The following SOD2 variants were observed in gnomAD, a reference collection of about 807,000 sequenced individuals.
SOD2 encodes superoxide dismutase [Mn], mitochondrial.
SOD2 carries 11 observed loss-of-function variants against 27.0 expected under a neutral mutation model. The ratio of observed to expected loss-of-function variants is 0.41; its 90% CI spans 0.26 to 0.67. SOD2 has a LOEUF of 0.67. SOD2 is among the 30% of genes least tolerant of loss of function. The probability of loss-of-function intolerance (pLI) is 0.34; values close to 1 mark genes in which losing one functional copy is unlikely to be tolerated. For synonymous variants in SOD2, 105 were observed against 103.0 expected (o/e 1.02, Z -0.12); for missense variants, 250 against 274.5 (o/e 0.91, Z 0.63).
intron 1 of SOD2, among the ~76,000 whole-genome samples, chr6:159,736,962 TG>T (rs1389471290): frequency 6.6e-6 from 1 of 152,212 alleles, no homozygotes; most frequent in Non-Finnish European, 1.5e-5. Flanking sequence ...AGTTTCCTAT[TG>T]TGGAGTCAGA....
At chr6:159,690,702 T>A (rs571457714) in intron 2 of SOD2, among the ~76,000 whole-genome samples, 73 of 152,304 alleles carry the variant, frequency 4.8e-4, no homozygotes, top group African/African-American at 1.7e-3. Context: ...TATTGTTTTT[T>A]AATAAATCAA....
chr6:159,713,643 A>G (rs1263020213), intron 1 of SOD2: 2 of 1,021,786 alleles, frequency 2.0e-6, no homozygotes, highest in Non-Finnish European at 3.0e-6. Context: ...GCCAAATGGA[A>G]GTCCTCTAAG....
At chr6:159,726,027 C>G (rs1778158868) in intron 1 of SOD2, 1 of 152,210 alleles carries the variant, frequency 6.6e-6, no homozygotes, top group Admixed American at 6.5e-5. Flanking sequence ...TGACAAATAG[C>G]ACTGCAATAA....
chr6:159,733,446 G>C (rs373246083), intron 1 of SOD2, among the ~76,000 whole-genome samples: 1 of 128,178 alleles, frequency 7.8e-6, no homozygotes, highest in South Asian at 2.9e-4. Flanking sequence ...GCGAAACCCT[G>C]TCTCTACCAA....
In SOD2 at chr6:159,674,899, T is replaced by G. The variant is rs1779742023; in HGVS notation, c.*7594A>C. 6.6e-6 allele frequency: 1 copy of G among 152,174 alleles called. No individual in the cohort carries two copies. The highest frequency in any genetic ancestry group is 2.4e-5 in the African/African-American group (1 of 41,424). 9.4% of individuals were successfully genotyped at this position (152,174 alleles called of 1,614,324 possible). On this transcript the variant is annotated 3_prime_UTR_variant, in exon 5 of 5. Coordinates refer to ENST00000538183, the MANE Select transcript of SOD2 (RefSeq NM_000636.4). Reference sequence around the variant, plus strand: ...AATTTGATAAGCAACTTCAGCAAAATCTCAGGATACAAAATCAATGTGCAA... The same window carrying G: ...AATTTGATAAGCAACTTCAGCAAAAGCTCAGGATACAAAATCAATGTGCAA...
intron 1 of SOD2, among the ~76,000 whole-genome samples, chr6:159,735,200 G>A (rs919261912): frequency 1.3e-5 from 2 of 152,154 alleles, no homozygotes; most frequent in African/African-American, 2.4e-5. Flanking sequence ...ATGCAGTGGC[G>A]CGCCATCTCG....
upstream of SOD2, chr6:159,730,762 G>C (rs570672718): frequency 3.3e-5 from 5 of 152,154 alleles, no homozygotes; most frequent in Non-Finnish European, 7.4e-5. Flanking sequence ...TCTGAGAGTT[G>C]ACTTAGGAAG....
At chr6:159,757,276 T>C (rs948365734) in intron 1 of SOD2, among the ~76,000 whole-genome samples, 8 of 152,246 alleles carry the variant, frequency 5.3e-5, no homozygotes, top group Non-Finnish European at 7.3e-5. Context: ...AGTGGAGTTA[T>C]AATACTCGAA....
In SOD2 at chr6:159,676,073, C is replaced by A. The variant is rs1211772545; in HGVS notation, c.*6420G>T. On this transcript the variant is annotated 3_prime_UTR_variant, in exon 5 of 5. Transcript: ENST00000538183. ...TACCATCTCACACCAGTTAGAATGT[C>A]AATCATTAAAAAGTCAGGAAACAAC... The A allele has an allele frequency of 3.3e-5, 5 of 152,056 alleles. No homozygotes were observed. Among genetic ancestry groups the A allele is most frequent in the African/African-American group, 1.2e-4 (5 of 41,392 alleles). 9.4% of individuals were successfully genotyped at this position (152,056 alleles called of 1,614,324 possible).
intron 1 of SOD2, among the ~76,000 whole-genome samples, chr6:159,744,508 A>G (rs1260260409): frequency 4.5e-5 from 6 of 134,104 alleles, no homozygotes; most frequent in African/African-American, 1.7e-4. Flanking sequence ...GGAGACACCA[A>G]AAATCTATGG....
At chr6:159,705,968 T>A (rs1164951166) in intron 1 of SOD2, among the ~76,000 whole-genome samples, 6 of 152,146 alleles carry the variant, frequency 3.9e-5, no homozygotes, top group Non-Finnish European at 7.3e-5. Flanking sequence ...ATATTCAACG[T>A]TTTTAAAGAA....
At chr6:159,742,119 T>C in intron 1 of SOD2, 1 of 1,609,040 alleles carries the variant, frequency 6.2e-7, no homozygotes, top group Non-Finnish European at 8.5e-7. Context: ...TGTACAAGCT[T>C]TGGAGGGCAA....
chr6:159,698,711 G>A (rs2114804739), intron 1 of SOD2, among the ~76,000 whole-genome samples: 1 of 150,230 alleles, frequency 6.7e-6, no homozygotes, highest in South Asian at 2.1e-4. Flanking sequence ...ATAACATAAA[G>A]TTTGTACATC....
chr6:159,689,837 A>G (rs1780365984), intron 2 of SOD2, among the ~76,000 whole-genome samples: 2 of 152,060 alleles, frequency 1.3e-5, no homozygotes, highest in South Asian at 2.1e-4. Flanking sequence ...GCGCGTGCCT[A>G]TAATCCCAGC....
chr6:159,730,211 G>A (rs934211723), upstream of SOD2, among the ~76,000 whole-genome samples: 1 of 152,130 alleles, frequency 6.6e-6, no homozygotes, highest in Non-Finnish European at 1.5e-5. Context: ...TGGAAAATGG[G>A]AACTAACTTT....
At chr6:159,737,718 C>T (rs1779006944) in intron 1 of SOD2, among the ~76,000 whole-genome samples, 1 of 152,016 alleles carries the variant, frequency 6.6e-6, no homozygotes, top group African/African-American at 2.4e-5. Flanking sequence ...TCTTGAACTC[C>T]CGAGTTCAAG....
intron 1 of SOD2, among the ~76,000 whole-genome samples, chr6:159,719,512 G>T (rs1415662552): frequency 6.6e-6 from 1 of 151,592 alleles, no homozygotes; most frequent in Non-Finnish European, 1.5e-5. Flanking sequence ...TGTGGTCGCA[G>T]CTACTGGAGA....
At chr6:159,759,170 C>T (rs1265258766) in intron 1 of SOD2, among the ~76,000 whole-genome samples, 1 of 151,108 alleles carries the variant, frequency 6.6e-6, no homozygotes, top group African/African-American at 2.4e-5. Context: ...AGCAATTCTC[C>T]TGCCTCAGCC....
chr6:159,696,015 A>C (rs1777416291), upstream of SOD2, among the ~76,000 whole-genome samples: 1 of 152,238 alleles, frequency 6.6e-6, no homozygotes, highest in African/African-American at 2.4e-5. Context: ...ATTGTTTGGA[A>C]GAAGCAACCA....
Sources: gnomAD v4.1 joint callset for allele counts (sites outside exome capture counted in the v4.1 genomes callset) on GRCh38, gnomAD v4.1.1 for gene constraint, MANE v1.5 for transcripts, NCBI Gene and HGNC (gene_info 2026-07-23, HGNC 2026-07-21) for gene names.